GARRE1: variants seen among roughly 807,000 people sequenced by gnomAD.
GARRE1 encodes granule associated Rac and RHOG effector protein 1.
GARRE1 carries 49 observed loss-of-function variants against 103.2 expected under a neutral mutation model. The ratio of observed to expected loss-of-function variants is 0.47; its 90% confidence interval spans 0.38 to 0.60. GARRE1 has a LOEUF of 0.60. GARRE1 is among the 20% of genes least tolerant of loss of function. The pLI is 0.00. For missense variants in GARRE1, 1,199 were observed against 1,370.5 expected, an observed-to-expected ratio of 0.87 and a Z score of 1.98; for synonymous variants, 505 against 532.8, an observed-to-expected ratio of 0.95 and a Z score of 0.72.
intron 12 of GARRE1, among the ~76,000 whole-genome samples, chr19:34,350,767 G>C (rs2074232449): frequency 6.6e-6 from 1 of 152,016 alleles, no homozygotes; most frequent in Non-Finnish European, 1.5e-5. Context: ...ATTTTTAGTA[G>C]AGACAGGGTT....
intron 3 of GARRE1, among the ~76,000 whole-genome samples, chr19:34,325,566 A>G (rs1446870914): frequency 6.6e-6 from 1 of 152,164 alleles, no homozygotes; most frequent in Non-Finnish European, 1.5e-5. Flanking sequence ...ATCTTATCCC[A>G]GATCTGTCCC....
At position 34,307,906 on chromosome 19, in the gene GARRE1, C is replaced by T. The variant is rs976219847; in HGVS notation, c.495+6938C>T. 5.3e-5 allele frequency among the ~76,000 whole-genome samples: 8 copies of T among 150,026 alleles called. No homozygotes were observed. The South Asian group carries it at 8.3e-4, about 16-fold the overall frequency. On this transcript the variant is annotated intron_variant, in intron 2 of 13. Transcript: ENST00000299505. ...AAGCAGTCCTCCAGCCTCAGCTTCC[C>T]GCGTATCTGAGACTGCGTAGCTGAG...
At chr19:34,255,027 G>A (rs934749216) in intron 1 of GARRE1, among the ~76,000 whole-genome samples, 1 of 151,904 alleles carries the variant, frequency 6.6e-6, no homozygotes, top group African/African-American at 2.4e-5. Flanking sequence ...AGGGCGGCCT[G>A]CTGGCGGCAG....
rs950185202 is a variant in GARRE1, at chr19:34,254,621, A to AGCGGGCGCG, written c.-796+16_-796+24dup. The AGCGGGCGCG allele has an allele frequency of 3.0e-4, 36 of 118,194 alleles. No homozygotes were observed. The highest frequency in any genetic ancestry group is 5.4e-4 in the African/African-American group (17 of 31,354). The allele number at this position is 118,194 out of a possible 1,614,324, so 7.3% of individuals were successfully genotyped here. A position where few individuals can be genotyped will look rare whatever the true frequency, so the allele number is the denominator to read the frequency against. ...GGGCCGGGGCGCGTCGCAGGTGAGG[A>AGCGGGCGCG]GCGGGCGCGGCGGGCGCAGGCGGGG... On this transcript the variant is annotated splice_region_variant and intron_variant, in intron 1 of 13. Coordinates refer to ENST00000299505, the MANE Select transcript of GARRE1 (RefSeq NM_014686.5).
At chr19:34,281,271 C>G (rs1164025084) in intron 1 of GARRE1, among the ~76,000 whole-genome samples, 2 of 152,122 alleles carry the variant, frequency 1.3e-5, no homozygotes, top group Non-Finnish European at 2.9e-5. Context: ...CAGGGATGCA[C>G]TACCATGTCT....
In GARRE1 at chr19:34,354,966, CTCT is replaced by C. The variant is rs1247290091; in HGVS notation, c.*2013_*2015del. 2.6e-5 allele frequency: 4 copies of C among 152,600 alleles called. No homozygotes were observed. The highest frequency in any genetic ancestry group is 1.3e-4 in the Admixed American group (2 of 15,278). 9.5% of individuals were successfully genotyped at this position (152,600 alleles called of 1,614,324 possible). ...CGTGCTTTGCACCAACCCTGCGTGG[CTCT>C]TGTCTGTGTTAGCTGTCACGGTGTG... On this transcript the variant is annotated 3_prime_UTR_variant, in exon 14 of 14. Coordinates refer to ENST00000299505, the MANE Select transcript of GARRE1 (RefSeq NM_014686.5).
intron 8 of GARRE1, among the ~76,000 whole-genome samples, chr19:34,338,591 C>T (rs1202414102): frequency 1.3e-5 from 2 of 151,876 alleles, no homozygotes; most frequent in African/African-American, 2.4e-5. Context: ...CGGTGGAGAC[C>T]CAAATGATGA....
chr19:34,261,655 A>G (rs145145907), intron 1 of GARRE1, among the ~76,000 whole-genome samples: 463 of 152,318 alleles, frequency 3.0e-3, no homozygotes, highest in African/African-American at 0.011. Flanking sequence ...GGGCAGGGGC[A>G]TGACACGTCC....
At chr19:34,272,352 C>T (rs985875539) in intron 1 of GARRE1, among the ~76,000 whole-genome samples, 1 of 152,186 alleles carries the variant, frequency 6.6e-6, no homozygotes, top group African/African-American at 2.4e-5. Context: ...GCGCCCACCA[C>T]CATGCCCGGC....
chr19:34,323,835 C>T (rs1193967753), intron 3 of GARRE1, among the ~76,000 whole-genome samples: 1 of 152,180 alleles, frequency 6.6e-6, no homozygotes, highest in Non-Finnish European at 1.5e-5. Context: ...TTCACCTTGA[C>T]CTTTTTTGCC....
chr19:34,352,144 A>C (rs2074240745), intron 13 of GARRE1, among the ~76,000 whole-genome samples: 1 of 152,080 alleles, frequency 6.6e-6, no homozygotes, highest in Non-Finnish European at 1.5e-5. Context: ...CGACGCCTGT[A>C]ATCCCAGCAC....
chr19:34,256,769 G>C (rs889388411), intron 1 of GARRE1, among the ~76,000 whole-genome samples: 2 of 152,102 alleles, frequency 1.3e-5, no homozygotes, highest in Non-Finnish European at 2.9e-5. Flanking sequence ...GTGCTTAGAT[G>C]TTTTCAAGTG....
At chr19:34,317,246 G>C (rs529935104) in intron 2 of GARRE1, among the ~76,000 whole-genome samples, 1 of 152,212 alleles carries the variant, frequency 6.6e-6, no homozygotes, top group Non-Finnish European at 1.5e-5. Flanking sequence ...TTAGAATGTC[G>C]CCCTGGCGAG....
intron 7 of GARRE1, 69 bp downstream of exon 7, chr19:34,330,416 C>A: frequency 6.9e-7 from 1 of 1,457,596 alleles, no homozygotes; most frequent in Non-Finnish European, 9.5e-7. Context: ...GGATGTGGTG[C>A]AGACACATGT....
intron 1 of GARRE1, among the ~76,000 whole-genome samples, chr19:34,265,907 G>A (rs1171541768): frequency 6.6e-6 from 1 of 152,202 alleles, no homozygotes; most frequent in Non-Finnish European, 1.5e-5. Flanking sequence ...TATTTACTAA[G>A]AGCAGGAATT....
rs943657751 is a variant in GARRE1, at chr19:34,347,619, A to T, written c.2522-258A>T. On this transcript the variant is annotated intron_variant, in intron 10 of 13. Coordinates refer to ENST00000299505, the MANE Select transcript of GARRE1 (RefSeq NM_014686.5). The stretch of plus-strand genomic sequence containing the variant: ...TTTTCTCTCTTTTTGTTTCTTTCAC[A>T]CTTAGCCTGCCTCTATCCTAGGCAT... Among the ~76,000 whole-genome samples, 6 of 152,138 alleles carry T rather than the reference A, an allele frequency of 3.9e-5. No homozygotes were observed. In the East Asian group the frequency reaches 7.7e-4, roughly 20 times the overall value.
Position 34,333,817 on chromosome 19 carries a change from CT to C in GARRE1, c.1361+19del. 7 of 1,439,860 alleles carry C rather than the reference CT, an allele frequency of 4.9e-6. No homozygotes were observed. The highest frequency in any genetic ancestry group is 6.8e-6 in the Non-Finnish European group (7 of 1,022,370). 89.2% of individuals were successfully genotyped at this position (1,439,860 alleles called of 1,614,324 possible). ...CATCCACATGGTAACGTGCCTCTTA[CT>C]TTCACCGGAGCCTAAGCTCTGACTG... On this transcript the variant is annotated intron_variant, in intron 8 of 13. Transcript: ENST00000299505.
At chr19:34,259,708 A>C (rs1009068724) in intron 1 of GARRE1, among the ~76,000 whole-genome samples, 12 of 151,264 alleles carry the variant, frequency 7.9e-5, no homozygotes, top group African/African-American at 1.7e-4. Context: ...TAATGAGGGG[A>C]CATGAGGAGC....
chr19:34,341,148 C>A lies in GARRE1; in HGVS notation c.1488-274C>A, dbSNP rs78606613. On this transcript the variant is annotated intron_variant, in intron 9 of 13. Coordinates refer to ENST00000299505, the MANE Select transcript of GARRE1 (RefSeq NM_014686.5). ...CTGCAAGTTGCATCCCCACATCTAG[C>A]CATGCTTTCCCCTCCTGTGCCACCA... 1.4e-3 allele frequency among the ~76,000 whole-genome samples: 215 copies of A among 152,260 alleles called. 1 individual carries two copies. The highest frequency in any genetic ancestry group is 4.4e-3 in the African/African-American group (182 of 41,538).
Sources: allele counts gnomAD v4.1 joint callset (sites outside exome capture counted in the v4.1 genomes callset), GRCh38; gene constraint gnomAD v4.1.1; transcripts MANE v1.5; gene names NCBI Gene and HGNC (gene_info 2026-07-23, HGNC 2026-07-21).